Variants in UBTF observed in about 807,000 individuals in gnomAD.
UBTF encodes nucleolar transcription factor 1.
In UBTF, 8 loss-of-function variants were observed where a neutral mutation model predicts 112.3. That is an observed-to-expected ratio of 0.07 (90% CI 0.04 to 0.13). The LOEUF is 0.13. UBTF is among the 10% of genes least tolerant of loss of function. The probability of loss-of-function intolerance (pLI) is 1.00; values close to 1 mark genes in which losing one functional copy is unlikely to be tolerated. For missense variants in UBTF, 457 were observed against 982.1 expected, an observed-to-expected ratio of 0.47 and a Z score of 7.15; for synonymous variants, 417 against 373.1, an observed-to-expected ratio of 1.12 and a Z score of -1.36.
chr17:44,210,059 G>T, intron 15 of UBTF, 65 bp downstream of exon 15: 1 of 1,541,344 alleles, frequency 6.5e-7, no homozygotes, highest in Non-Finnish European at 9.0e-7. Flanking sequence ...CTTGCTCAGA[G>T]CTGCCCAACC....
chr17:44,210,010 C>T, intron 15 of UBTF, 114 bp downstream of exon 15: 1 of 1,109,616 alleles, frequency 9.0e-7, no homozygotes, highest in Non-Finnish European at 1.3e-6. Flanking sequence ...GAGAAGGAAG[C>T]TGAGACTTGC....
intron 3 of UBTF, 31 bp downstream of exon 3, chr17:44,216,498 G>A (rs1378348879): frequency 3.7e-6 from 6 of 1,611,684 alleles, no homozygotes; most frequent in Non-Finnish European, 5.1e-6. Context: ...TGGGGGGTAT[G>A]TGTGTATGTC....
Position 44,218,457 on chromosome 17 carries a change from C to G in UBTF, c.-67-161G>C, listed in dbSNP as rs78216876. 6.0e-3 allele frequency: 3,153 copies of G among 523,878 alleles called. 91 individuals are homozygous for G. The highest frequency in any genetic ancestry group is 0.058 in the African/African-American group (2,843 of 49,306). 32.5% of individuals were successfully genotyped at this position (523,878 alleles called of 1,614,324 possible). A position where few individuals can be genotyped will look rare whatever the true frequency, so the allele number is the denominator to read the frequency against. ...CTATGGGAATGGGAGTGCGCCCCTC[C>G]TCTTCCTCGTGACCCCCTCCCCCAG... is the stretch of plus-strand genomic sequence containing the variant. On this transcript the variant is annotated intron_variant, in intron 1 of 20. Transcript: ENST00000436088.
chr17:44,219,102 C>T (rs2047025155), intron 1 of UBTF: 1 of 150,434 alleles, frequency 6.6e-6, no homozygotes, highest in African/African-American at 2.4e-5. Flanking sequence ...CCGCCCCGGC[C>T]TCCGGGGAGC....
intron 17 of UBTF, chr17:44,209,114 AG>A: frequency 2.5e-6 from 1 of 396,514 alleles, no homozygotes; most frequent in Admixed American, 4.4e-5. Flanking sequence ...GGTTGCAGTG[AG>A]CCGAGACTAC....
intron 1 of UBTF, 102 bp downstream of exon 1, chr17:44,219,343 C>A (rs1311644449): frequency 6.6e-6 from 1 of 151,204 alleles, no homozygotes; most frequent in Non-Finnish European, 1.5e-5. Flanking sequence ...GTCGCCTGCT[C>A]GGTGGTCGCT....
rs140605710 is a variant in UBTF at position 44,207,732 on chromosome 17, G to A, written c.1992C>T (p.Pro664=). ...KSMTKLRGPN[P]KSSRTTLQSK... ...ACTGCAGAGTAGTCCGGCTGGATTT[G>A]GGGTTTGGGCCTCGCAGCTTGGTCA... Residue 664 remains proline, a synonymous_variant, in exon 19 of 21, where the codon CCC becomes CCT. Transcript: ENST00000436088. The A allele has an allele frequency of 5.5e-4, 895 of 1,614,166 alleles. No homozygotes were observed. The highest frequency in any genetic ancestry group is 7.0e-4 in the Non-Finnish European group (825 of 1,180,032).
chr17:44,214,594 G>A (rs546674902), intron 5 of UBTF, among the ~76,000 whole-genome samples: 4 of 152,236 alleles, frequency 2.6e-5, no homozygotes, highest in African/African-American at 7.2e-5. Context: ...CATCAAAGGG[G>A]TCAACAGTTC....
At chr17:44,209,617 C>T in intron 16 of UBTF, 28 bp downstream of exon 16, 1 of 1,614,110 alleles carries the variant, frequency 6.2e-7, no homozygotes, top group African/African-American at 1.3e-5. Flanking sequence ...CCCCGACCTC[C>T]AGGGCAGACT....
At chr17:44,215,517 C>A in intron 5 of UBTF, 137 bp downstream of exon 5, 1 of 1,114,150 alleles carries the variant, frequency 9.0e-7, no homozygotes, top group Non-Finnish European at 1.3e-6. Flanking sequence ...GTGTGGCTGC[C>A]CAGGACCTAT....
chr17:44,210,524 C>G, intron 13 of UBTF, 51 bp from the exon 14 acceptor site: 1 of 1,503,880 alleles, frequency 6.6e-7, no homozygotes, highest in Non-Finnish European at 8.8e-7. Context: ...AGGGGGCGCG[C>G]GCTCCCCGCG....
At chr17:44,214,386 G>T (rs767617543) in intron 5 of UBTF, among the ~76,000 whole-genome samples, 8 of 152,202 alleles carry the variant, frequency 5.3e-5, no homozygotes, top group Non-Finnish European at 1.2e-4. Context: ...GAAGTGAAAT[G>T]ACTTACCAAA....
At chr17:44,213,183 G>GCC in intron 6 of UBTF, 35 bp downstream of exon 6, 2 of 1,605,966 alleles carry the variant, frequency 1.2e-6, no homozygotes, top group Non-Finnish European at 1.7e-6. Context: ...TGCCCCCAGT[G>GCC]CCCCGTGGCC....
At chr17:44,218,893 C>T (rs2047007105) in intron 1 of UBTF, 1 of 151,506 alleles carries the variant, frequency 6.6e-6, no homozygotes, top group Non-Finnish European at 1.5e-5. Flanking sequence ...CCTTCGCCGT[C>T]CCCGCCCGCA....
At chr17:44,219,927 T>A (rs1383561396), upstream of UBTF, among the ~76,000 whole-genome samples, 1 of 148,968 alleles carries the variant, frequency 6.7e-6, no homozygotes, top group South Asian at 2.2e-4. Flanking sequence ...TCCCACAGCC[T>A]GCCCGGGCGG....
upstream of UBTF, among the ~76,000 whole-genome samples, chr17:44,219,943 G>A (rs2047090843): frequency 6.6e-6 from 1 of 151,002 alleles, no homozygotes; most frequent in Non-Finnish European, 1.5e-5. Context: ...GGCGGGCTCC[G>A]CGGGGGGCAG....
chr17:44,217,542 G>A (rs559823024), intron 2 of UBTF, among the ~76,000 whole-genome samples: 2 of 152,144 alleles, frequency 1.3e-5, no homozygotes, highest in Non-Finnish European at 2.9e-5. Context: ...AAGTCAAAAG[G>A]GCTCTCCATT....
chr17:44,208,092 A>ATTTT lies in UBTF; in HGVS notation c.1906-185_1906-182dup, dbSNP rs57107684. ...CCTGGGATCTGAGAACACAGCTCTA[A>ATTTT]TTTTTTTTTTTTTTTTTTTTTTTTT... On this transcript the variant is annotated intron_variant, in intron 17 of 20. Transcript: ENST00000436088. Among the ~76,000 whole-genome samples, 5 of 117,994 alleles carry ATTTT rather than the reference A, an allele frequency of 4.2e-5. 1 individual carries two copies. Among genetic ancestry groups the ATTTT allele is most frequent in the South Asian group, 5.5e-4 (2 of 3,666 alleles). 77.4% of individuals were successfully genotyped at this position (117,994 alleles called of 152,430 possible).
Position 44,212,364 on chromosome 17 carries a change from C to T in UBTF, c.751G>A (p.Glu251Lys). 1 of 1,613,296 alleles carries T rather than the reference C, an allele frequency of 6.2e-7. No homozygotes were observed. ...KRLKWIHKAL[E>K]QRKEYEEIMR... ...CTAACCTCGTACTCCTTCCGCTGCT[C>T]CAGGGCCTTATGAATCCATTTCAGC... The change falls in exon 8 of 21, where the codon GAG becomes AAG. Residue 251 changes from glutamate (E) to lysine (K), a missense_variant. This residue lies in a region of UBTF where 87 missense variants were observed against 286.6 expected (regional missense o/e 0.30). Transcript: ENST00000436088.
Sources: allele counts gnomAD v4.1 joint callset (sites outside exome capture counted in the v4.1 genomes callset), GRCh38; gene constraint gnomAD v4.1.1; regional missense constraint gnomAD v4.1.1; transcripts MANE v1.5; gene names NCBI Gene and HGNC (gene_info 2026-07-23, HGNC 2026-07-21).